DPT: variants seen among roughly 807,000 people sequenced by gnomAD.
The protein encoded by DPT is dermatopontin.
DPT carries 21 observed loss-of-function variants against 31.2 expected under a neutral mutation model. That is an observed-to-expected ratio of 0.67 (90% confidence interval 0.48 to 0.97). The LOEUF is 0.97. DPT is among the 50% of genes least tolerant of loss of function. The pLI is 0.00. For synonymous variants in DPT, 91 were observed against 86.9 expected, an observed-to-expected ratio of 1.05 and a Z score of -0.26; for missense variants, 262 against 258.8, an observed-to-expected ratio of 1.01 and a Z score of -0.08.
At chr1:168,719,506 C>G (rs1650051939) in intron 1 of DPT, among the ~76,000 whole-genome samples, 1 of 152,088 alleles carries the variant, frequency 6.6e-6, no homozygotes, top group African/African-American at 2.4e-5. Flanking sequence ...GGTCAAATGA[C>G]TAATGCTCTG....
intron 3 of DPT, among the ~76,000 whole-genome samples, chr1:168,700,438 C>T (rs1649569166): frequency 1.3e-5 from 2 of 152,144 alleles, no homozygotes; most frequent in Admixed American, 1.3e-4. Context: ...CAGACTAAGA[C>T]AGTAGGTTCT....
intron 1 of DPT, among the ~76,000 whole-genome samples, chr1:168,726,140 A>T (rs1041747572): frequency 4.6e-5 from 7 of 152,144 alleles, no homozygotes; most frequent in African/African-American, 1.7e-4. Flanking sequence ...GTAGACGGGG[A>T]GAAGGAGGCA....
At chr1:168,696,694 C>A in intron 3 of DPT, 79 bp from the exon 4 acceptor site, 7 of 1,305,498 alleles carry the variant, frequency 5.4e-6, no homozygotes, top group Non-Finnish European at 7.6e-6. Flanking sequence ...GAAACAGCAG[C>A]AGAGAACATT....
chr1:168,718,083 T>A (rs550609563), intron 1 of DPT, among the ~76,000 whole-genome samples: 5 of 152,366 alleles, frequency 3.3e-5, no homozygotes, highest in Admixed American at 2.6e-4. Context: ...CTACCATCAC[T>A]AAAATGCTGC....
In DPT at chr1:168,696,179, C is replaced by T. The variant is rs1649461143; in HGVS notation, c.*370G>A. On this transcript the variant is annotated 3_prime_UTR_variant, in exon 4 of 4. Transcript: ENST00000367817. ...CACCTCTCCTCCAGTTCTGCCTCTC[C>T]CCTCCACTATGCTGAACTTGCAGTT... 3 of 421,612 alleles carry T rather than the reference C, an allele frequency of 7.1e-6. No individual in the cohort carries two copies. The highest frequency in any genetic ancestry group is 4.1e-5 in the African/African-American group (2 of 49,098). The allele number at this position is 421,612 out of a possible 1,614,324, so 26.1% of individuals were successfully genotyped here. A position where few individuals can be genotyped will look rare whatever the true frequency, so the allele number is the denominator to read the frequency against.
intron 2 of DPT, among the ~76,000 whole-genome samples, chr1:168,712,838 C>T (rs1649897049): frequency 6.6e-6 from 1 of 152,146 alleles, no homozygotes; most frequent in Non-Finnish European, 1.5e-5. Flanking sequence ...TTTAAGGACT[C>T]CCGAAATTCT....
chr1:168,725,623 AGTT>A (rs1297640895), intron 1 of DPT, among the ~76,000 whole-genome samples: 10 of 152,150 alleles, frequency 6.6e-5, no homozygotes, highest in Non-Finnish European at 1.3e-4. Context: ...GCCTCCTGGT[AGTT>A]GTTAGTGCCA....
intron 2 of DPT, among the ~76,000 whole-genome samples, chr1:168,707,964 C>G (rs760051096): frequency 6.6e-6 from 1 of 152,112 alleles, no homozygotes; most frequent in Admixed American, 6.5e-5. Context: ...TCAGTGGCAT[C>G]TGCAGGGGAT....
At chr1:168,717,428 T>C (rs1650007023) in intron 1 of DPT, among the ~76,000 whole-genome samples, 2 of 152,252 alleles carry the variant, frequency 1.3e-5, no homozygotes, top group Non-Finnish European at 2.9e-5. Flanking sequence ...TAAATTTGTT[T>C]AATTTCCTTG....
intron 2 of DPT, among the ~76,000 whole-genome samples, chr1:168,708,133 G>A (rs1284761402): frequency 6.6e-6 from 1 of 152,128 alleles, no homozygotes; most frequent in Non-Finnish European, 1.5e-5. Flanking sequence ...TGCTATGTGA[G>A]TAGTTATTAT....
At chr1:168,708,607 T>C (rs1352662349) in intron 2 of DPT, among the ~76,000 whole-genome samples, 1 of 152,232 alleles carries the variant, frequency 6.6e-6, no homozygotes, top group Non-Finnish European at 1.5e-5. Flanking sequence ...CTAGGGTACA[T>C]GTGCACAATG....
chr1:168,701,185 CAG>C, intron 2 of DPT, 61 bp from the exon 3 acceptor site: 1 of 1,250,200 alleles, frequency 8.0e-7, no homozygotes, highest in Non-Finnish European at 1.2e-6. Flanking sequence ...TGGGAGCAAA[CAG>C]AAGACACACT....
intron 3 of DPT, among the ~76,000 whole-genome samples, chr1:168,700,166 G>T (rs898524204): frequency 6.6e-6 from 1 of 152,110 alleles, no homozygotes; most frequent in South Asian, 2.1e-4. Flanking sequence ...GAGCCTTTAG[G>T]GGGGTGATTA....
At position 168,696,233 on chromosome 1, in the gene DPT, C is replaced by A. The variant is rs184150382; in HGVS notation, c.*316G>T. ...TCTGCAGTAAAAAGCAGTAGCCAGG[C>A]TGCAGCTGGTGCTCCAGAAGCCCGG... On this transcript the variant is annotated 3_prime_UTR_variant, in exon 4 of 4. Transcript: ENST00000367817. 4.6e-6 allele frequency: 2 copies of A among 433,220 alleles called. No homozygotes were observed. Among genetic ancestry groups the A allele is most frequent in the Admixed American group, 7.9e-5 (2 of 25,294 alleles). The allele number at this position is 433,220 out of a possible 1,614,324, so 26.8% of individuals were successfully genotyped here. A position where few individuals can be genotyped will look rare whatever the true frequency, so the allele number is the denominator to read the frequency against.
intron 2 of DPT, among the ~76,000 whole-genome samples, chr1:168,705,437 C>T (rs1649698339): frequency 6.6e-6 from 1 of 152,074 alleles, no homozygotes; most frequent in African/African-American, 2.4e-5. Flanking sequence ...TTTGTGGGGA[C>T]ACCAGAAAAG....
chr1:168,728,468 A>G (rs962292767), intron 1 of DPT, among the ~76,000 whole-genome samples: 3 of 152,214 alleles, frequency 2.0e-5, no homozygotes, highest in Non-Finnish European at 4.4e-5. Flanking sequence ...ATAAATTTCT[A>G]AAAAAGAAAA....
intron 3 of DPT, among the ~76,000 whole-genome samples, chr1:168,697,585 A>C (rs1649492384): frequency 6.6e-6 from 1 of 152,164 alleles, no homozygotes; most frequent in Non-Finnish European, 1.5e-5. Flanking sequence ...GCTCAGGGTG[A>C]ATTTATGTTC....
chr1:168,724,400 T>A (rs2101913102), intron 1 of DPT, among the ~76,000 whole-genome samples: 1 of 152,284 alleles, frequency 6.6e-6, no homozygotes, highest in Non-Finnish European at 1.5e-5. Context: ...TGGCTGGGGT[T>A]TGGACTGCTG....
At chr1:168,699,324 T>G (rs1249412991) in intron 3 of DPT, among the ~76,000 whole-genome samples, 2 of 152,180 alleles carry the variant, frequency 1.3e-5, no homozygotes, top group Admixed American at 1.3e-4. Flanking sequence ...TCATTTTCTT[T>G]ATTTTTCTTA....
Sources: gnomAD v4.1 joint callset for allele counts (sites outside exome capture counted in the v4.1 genomes callset) on GRCh38, gnomAD v4.1.1 for gene constraint, MANE v1.5 for transcripts, NCBI Gene and HGNC (gene_info 2026-07-23, HGNC 2026-07-21) for gene names.